The following ACOT11 variants were observed in gnomAD, a reference collection of about 807,000 sequenced individuals.
The protein encoded by ACOT11 is acyl-coenzyme A thioesterase 11.
Under a neutral mutation model 77.5 loss-of-function variants are expected in ACOT11, and 69 were observed. The observed-to-expected ratio is 0.89, with a 90% CI of 0.73 to 1.09. The LOEUF (loss-of-function observed/expected upper bound fraction) is 1.09. Among genes scored for constraint, ACOT11 ranks in the 50% least tolerant of loss-of-function variants. ACOT11 has a pLI of 0.00. For missense variants in ACOT11, 766 were observed against 813.7 expected (o/e 0.94, Z 0.71); for synonymous variants, 279 against 313.0 (o/e 0.89, Z 1.15).
intron 13 of ACOT11, 131 bp downstream of exon 13, chr1:54,605,340 C>G: frequency 3.7e-6 from 5 of 1,359,654 alleles, no homozygotes; most frequent in Non-Finnish European, 4.9e-6. Context: ...GAGTTCCATG[C>G]TGGGTGGGGG....
Position 54,609,609 on chromosome 1 carries a change from G to T in ACOT11, c.*497G>T. The T allele has an allele frequency of 6.2e-7, 1 of 1,613,442 alleles. No individual in the cohort carries two copies. Among genetic ancestry groups the T allele is most frequent in the Non-Finnish European group, 8.5e-7 (1 of 1,180,026 alleles). ...GGCCAGCCTGGTGCCACAGTCACGT[G>T]GGGGAAGACCTCAGCCACAGCTGTA... is the stretch of plus-strand genomic sequence containing the variant. On this transcript the variant is annotated 3_prime_UTR_variant, in exon 16 of 16. Transcript: ENST00000343744.
At chr1:54,579,697 C>T (rs1159637705) in intron 1 of ACOT11, among the ~76,000 whole-genome samples, 1 of 152,216 alleles carries the variant, frequency 6.6e-6, no homozygotes, top group Non-Finnish European at 1.5e-5. Flanking sequence ...TTCTCCCTGC[C>T]CGCCCCTGGG....
At chr1:54,631,712 C>G (rs533830618) in intron 16 of ACOT11, among the ~76,000 whole-genome samples, 2 of 152,156 alleles carry the variant, frequency 1.3e-5, no homozygotes, top group African/African-American at 4.8e-5. Flanking sequence ...GAACAATACC[C>G]TTCCTTTAGT....
chr1:54,560,347 C>T (rs1431863766), intron 1 of ACOT11, among the ~76,000 whole-genome samples: 2 of 152,006 alleles, frequency 1.3e-5, no homozygotes, highest in East Asian at 3.9e-4. Context: ...GCAGAGGCAC[C>T]TGTATGTAAG....
At chr1:54,572,640 C>T (rs931505773) in intron 1 of ACOT11, among the ~76,000 whole-genome samples, 5 of 152,214 alleles carry the variant, frequency 3.3e-5, no homozygotes, top group African/African-American at 9.6e-5. Flanking sequence ...GTGTTCTAAT[C>T]GCTTCTGGCC....
At chr1:54,622,472 G>A (rs1020595865) in intron 15 of ACOT11, among the ~76,000 whole-genome samples, 8 of 151,972 alleles carry the variant, frequency 5.3e-5, no homozygotes, top group African/African-American at 9.7e-5. Flanking sequence ...CAGCTACTCC[G>A]GAGGCTGAAG....
At position 54,609,952 on chromosome 1, in the gene ACOT11, C is replaced by A. The variant is rs369218528; in HGVS notation, c.*840C>A. The A allele has an allele frequency of 4.2e-4, 669 of 1,596,836 alleles. 5 individuals carry two copies. The South Asian group carries it at 6.3e-3, about 15-fold the overall frequency. On this transcript the variant is annotated 3_prime_UTR_variant, in exon 16 of 16. Transcript: ENST00000343744. ...TCATGCCTTCTGTGTCTGGAAGAGG[C>A]GGCAGAGGCAACAGTGTTTAGGATT...
intron 1 of ACOT11, among the ~76,000 whole-genome samples, chr1:54,578,041 G>A (rs1045889865): frequency 6.6e-6 from 1 of 152,240 alleles, no homozygotes; most frequent in Admixed American, 6.5e-5. Flanking sequence ...AGGCTGTGCA[G>A]GGAGAGCTCT....
intron 15 of ACOT11, among the ~76,000 whole-genome samples, chr1:54,624,111 T>A (rs75639955): frequency 0.027 from 4,135 of 150,680 alleles, 180 homozygotes; most frequent in African/African-American, 0.097. Context: ...GCAGAGGGAG[T>A]TCTGGGGGCC....
At position 54,605,310 on chromosome 1, in the gene ACOT11, C is replaced by T. The variant is rs77823349; in HGVS notation, c.1370+101C>T. 5,280 of 1,417,744 alleles carry T rather than the reference C, an allele frequency of 3.7e-3. 148 individuals carry two copies. In the African/African-American group the frequency reaches 0.059, roughly 16 times the overall value. 87.8% of individuals were successfully genotyped at this position (1,417,744 alleles called of 1,614,324 possible). On this transcript the variant is annotated intron_variant, in intron 13 of 15. Transcript: ENST00000343744. ...TCATCCTCCATGATGCTCTGCCCTG[C>T]TGGGGCTGGGGGTGGGTTGGAGTTC... is the stretch of plus-strand genomic sequence containing the variant.
At chr1:54,631,850 C>T (rs562126327) in intron 16 of ACOT11, among the ~76,000 whole-genome samples, 102 of 152,286 alleles carry the variant, frequency 6.7e-4, no homozygotes, top group African/African-American at 2.4e-3. Flanking sequence ...TTCGACAATG[C>T]TAATCCCGAT....
chr1:54,634,664 G>A (rs1185211266), intron 16 of ACOT11: 2 of 700,768 alleles, frequency 2.9e-6, no homozygotes, highest in Non-Finnish European at 2.6e-6. Flanking sequence ...ATTTGGGGTA[G>A]AGGTTATGCT....
At chr1:54,582,810 GTCTGCCCCTTTTGT>G (rs746382132) in intron 1 of ACOT11, among the ~76,000 whole-genome samples, 66 of 152,276 alleles carry the variant, frequency 4.3e-4, no homozygotes, top group South Asian at 6.2e-4. Flanking sequence ...ACCCCAGGCA[GTCTGCCCCTTTTGT>G]TCTGCCCCTT....
intron 6 of ACOT11, among the ~76,000 whole-genome samples, chr1:54,595,555 ATC>A (rs1378329520): frequency 2.0e-5 from 3 of 152,180 alleles, no homozygotes; most frequent in African/African-American, 7.2e-5. Context: ...ATTTTAGGGT[ATC>A]TTTCCAGAAG....
intron 15 of ACOT11, among the ~76,000 whole-genome samples, chr1:54,625,894 G>T (rs1644269167): frequency 6.8e-6 from 1 of 147,346 alleles, no homozygotes; most frequent in South Asian, 2.1e-4. Context: ...AGCCGAGATT[G>T]TGCCATTGCA....
chr1:54,566,454 CAA>C (rs34312735), intron 1 of ACOT11, among the ~76,000 whole-genome samples: 7,738 of 94,460 alleles, frequency 0.082, 267 homozygotes, highest in East Asian at 0.19. Context: ...AAGACTGTCT[CAA>C]AAAAAAAAAA....
chr1:54,568,510 A>G (rs79623358), intron 1 of ACOT11, among the ~76,000 whole-genome samples: 1 of 151,766 alleles, frequency 6.6e-6, no homozygotes, highest in Non-Finnish European at 1.5e-5. Flanking sequence ...GATTACAGGA[A>G]TGCACCATCA....
intron 15 of ACOT11, among the ~76,000 whole-genome samples, chr1:54,608,552 G>T (rs1644062455): frequency 6.6e-6 from 1 of 152,156 alleles, no homozygotes; most frequent in African/African-American, 2.4e-5. Context: ...GACTCAGCCG[G>T]TGTTTGCTGA....
At chr1:54,631,087 T>C (rs1433473816) in intron 16 of ACOT11, among the ~76,000 whole-genome samples, 2 of 152,188 alleles carry the variant, frequency 1.3e-5, no homozygotes. Context: ...TCCCTACCCT[T>C]CTGCATCCCC....
Sources: allele counts gnomAD v4.1 joint callset (sites outside exome capture counted in the v4.1 genomes callset), GRCh38; gene constraint gnomAD v4.1.1; transcripts MANE v1.5; gene names NCBI Gene and HGNC (gene_info 2026-07-23, HGNC 2026-07-21).